TLN2: variants seen among roughly 807,000 people sequenced by gnomAD.
The protein encoded by TLN2 is talin-2.
Under a neutral mutation model 294.7 loss-of-function variants are expected in TLN2, and 118 were observed. That is an observed-to-expected ratio of 0.40 (90% CI 0.34 to 0.47). The LOEUF (loss-of-function observed/expected upper bound fraction) is 0.47, where lower values mean the gene tolerates loss of function less well. Among genes scored for constraint, TLN2 ranks in the 20% least tolerant of loss-of-function variants. The probability of loss-of-function intolerance (pLI) is 0.84; values close to 1 mark genes in which losing one functional copy is unlikely to be tolerated. For synonymous variants in TLN2, 1,431 were observed against 1,304.5 expected (o/e 1.10, Z -2.09); for missense variants, 3,083 against 3,282.2 (o/e 0.94, Z 1.48).
At chr15:62,780,391 C>A (rs1481011264) in intron 43 of TLN2, among the ~76,000 whole-genome samples, 1 of 152,080 alleles carries the variant, frequency 6.6e-6, no homozygotes, top group South Asian at 2.1e-4. Flanking sequence ...TTTACTGTAA[C>A]CATGTGATGC....
At chr15:62,562,582 G>A (rs998844112) in intron 1 of TLN2, among the ~76,000 whole-genome samples, 2 of 150,954 alleles carry the variant, frequency 1.3e-5, no homozygotes, top group Non-Finnish European at 2.9e-5. Context: ...GGGAACAGGT[G>A]GTGTTTGGTT....
intron 1 of TLN2, among the ~76,000 whole-genome samples, chr15:62,475,975 G>A (rs1313180893): frequency 6.6e-6 from 1 of 152,204 alleles, no homozygotes; most frequent in Admixed American, 6.5e-5. Context: ...TGCTGATTTA[G>A]GGCAAGGCCT....
In TLN2 at chr15:62,505,662, A is replaced by G. The variant is rs543323203; in HGVS notation, c.-237-84025A>G. 2.0e-5 allele frequency among the ~76,000 whole-genome samples: 3 copies of G among 152,284 alleles called. No homozygotes were observed. In the East Asian group the frequency reaches 5.8e-4, roughly 29 times the overall value. On this transcript the variant is annotated intron_variant, in intron 1 of 58. Transcript: ENST00000636159. ...GTCTTACGCACAAATATGTTAGGTA[A>G]AATTTCAAGTCAATCTCCCTCTTCC...
chr15:62,475,250 A>T (rs186899964), intron 1 of TLN2, among the ~76,000 whole-genome samples: 6 of 152,196 alleles, frequency 3.9e-5, no homozygotes, highest in African/African-American at 1.4e-4. Flanking sequence ...TAAACTTTGT[A>T]TAAGCCGACT....
chr15:62,742,076 A>T (rs111514133), intron 32 of TLN2, among the ~76,000 whole-genome samples: 21 of 101,836 alleles, frequency 2.1e-4, no homozygotes, highest in East Asian at 1.1e-3. Flanking sequence ...TGTGTGTGTG[A>T]AGGGTTAGAC....
chr15:62,659,097 G>A (rs951001543), intron 9 of TLN2, among the ~76,000 whole-genome samples: 3 of 152,152 alleles, frequency 2.0e-5, no homozygotes, highest in Non-Finnish European at 2.9e-5. Flanking sequence ...CATTCACCGG[G>A]TTCCTATATT....
At chr15:62,487,709 G>T (rs1196175687) in intron 1 of TLN2, among the ~76,000 whole-genome samples, 1 of 151,794 alleles carries the variant, frequency 6.6e-6, no homozygotes, top group East Asian at 1.9e-4. Flanking sequence ...GAGGCAGGTG[G>T]ATCATGGGGT....
intron 32 of TLN2, among the ~76,000 whole-genome samples, chr15:62,744,221 C>G (rs2061486223): frequency 1.3e-5 from 2 of 152,036 alleles, no homozygotes; most frequent in South Asian, 4.2e-4. Flanking sequence ...CCCTGCGAGT[C>G]CCTACATACC....
intron 32 of TLN2, 78 bp from the exon 33 acceptor site, chr15:62,748,273 T>TGGTGAG: frequency 9.2e-7 from 1 of 1,081,974 alleles, no homozygotes; most frequent in Admixed American, 2.0e-5. Context: ...ATTGTATTTC[T>TGGTGAG]GGTGAGCCTG....
intron 45 of TLN2, chr15:62,784,643 TAGA>T (rs2064486466): frequency 6.6e-6 from 1 of 152,242 alleles, no homozygotes; most frequent in Admixed American, 6.5e-5. Context: ...TGTGAACACA[TAGA>T]AGGAGTCCAG....
intron 52 of TLN2, among the ~76,000 whole-genome samples, chr15:62,812,363 A>G (rs1310157771): frequency 2.6e-5 from 4 of 152,162 alleles, no homozygotes; most frequent in Non-Finnish European, 4.4e-5. Context: ...CCCTGCACAC[A>G]TGGGCCTCAG....
chr15:62,735,414 G>T (rs1322487362), intron 28 of TLN2, among the ~76,000 whole-genome samples: 1 of 152,186 alleles, frequency 6.6e-6, no homozygotes, highest in African/African-American at 2.4e-5. Context: ...CTGTTTAGAT[G>T]CAAATTTAAA....
intron 21 of TLN2, among the ~76,000 whole-genome samples, chr15:62,710,118 C>T (rs746305160): frequency 8.5e-5 from 13 of 152,120 alleles, no homozygotes; most frequent in South Asian, 6.2e-4. Context: ...ATAATTTAAC[C>T]AATAATCTTT....
chr15:62,698,717 G>A (rs12906130), intron 15 of TLN2, 37 bp from the exon 16 acceptor site: 460,696 of 1,558,180 alleles, frequency 0.3, 72,897 homozygotes, highest in East Asian at 0.66. Context: ...GGTCCCAGGC[G>A]TGTGGGATGA....
chr15:62,459,202 A>G (rs2036653772), intron 1 of TLN2, among the ~76,000 whole-genome samples: 1 of 150,758 alleles, frequency 6.6e-6, no homozygotes. Flanking sequence ...GGGTTTCACC[A>G]TGTTGGCCAG....
chr15:62,423,082 G>A (rs1338681849), intron 1 of TLN2, among the ~76,000 whole-genome samples: 1 of 152,218 alleles, frequency 6.6e-6, no homozygotes, highest in African/African-American at 2.4e-5. Context: ...ATTAGCTCTA[G>A]GATCACGTTA....
At chr15:62,433,763 T>A (rs1467834505) in intron 1 of TLN2, among the ~76,000 whole-genome samples, 1 of 152,110 alleles carries the variant, frequency 6.6e-6, no homozygotes, top group Non-Finnish European at 1.5e-5. Flanking sequence ...TCCCTTCTTG[T>A]GGATCACTTG....
rs759319013 is a variant in TLN2 at position 62,763,703 on chromosome 15, G to A, written c.5094+8G>A. 1.9e-6 allele frequency: 3 copies of A among 1,596,330 alleles called. No homozygotes were observed. In the Admixed American group the frequency reaches 5.1e-5, roughly 27 times the overall value. ...GACGACATCTCTGTGGAGGTAAGCT[G>A]GGAATCTGGGGGCCTGCTTAGTCGC... On this transcript the variant is annotated splice_region_variant and intron_variant, in intron 40 of 58. Transcript: ENST00000636159.
intron 36 of TLN2, chr15:62,755,181 A>G (rs2062166191): frequency 1.1e-5 from 2 of 180,540 alleles, no homozygotes; most frequent in Admixed American, 1.2e-4. Flanking sequence ...GACTGCCAGA[A>G]AACTTAAAAT....
Sources: gnomAD v4.1 joint callset for allele counts (sites outside exome capture counted in the v4.1 genomes callset) on GRCh38, gnomAD v4.1.1 for gene constraint, MANE v1.5 for transcripts, NCBI Gene and HGNC (gene_info 2026-07-23, HGNC 2026-07-21) for gene names.